The following PCM1 variants were observed in gnomAD, a reference collection of about 807,000 sequenced individuals.
PCM1 encodes pericentriolar material 1, also known as pericentriolar material 1 protein.
PCM1 carries 157 observed loss-of-function variants against 241.9 expected under a neutral mutation model. The ratio of observed to expected loss-of-function variants is 0.65; its 90% CI spans 0.57 to 0.74. PCM1 has a LOEUF of 0.74. Ranked by LOEUF, PCM1 falls within the 30% of genes least tolerant of loss-of-function variation. The probability of loss-of-function intolerance (pLI) is 0.00; values close to 1 mark genes in which losing one functional copy is unlikely to be tolerated. For missense variants in PCM1, 3,478 were observed against 2,360.1 expected (o/e 1.47, Z -9.81); for synonymous variants, 1,085 against 784.9 (o/e 1.38, Z -6.39).
chr8:17,949,834 G>A (rs1274883055), intron 7 of PCM1, among the ~76,000 whole-genome samples: 1 of 152,076 alleles, frequency 6.6e-6, no homozygotes, highest in African/African-American at 2.4e-5. Flanking sequence ...TTAGAAGTCA[G>A]GTTAAGGATG....
At chr8:18,016,433 G>A (rs769667325) in intron 36 of PCM1, among the ~76,000 whole-genome samples, 3 of 47,460 alleles carry the variant, frequency 6.3e-5, no homozygotes, top group Non-Finnish European at 2.6e-4. Flanking sequence ...CTTTACCAGA[G>A]AAGAGAAGAG....
intron 7 of PCM1, among the ~76,000 whole-genome samples, chr8:17,950,243 A>G (rs182564484): frequency 1.1e-3 from 166 of 152,338 alleles, no homozygotes; most frequent in African/African-American, 3.7e-3. Flanking sequence ...ATTCAAGAAC[A>G]TGGAGATTGA....
intron 34 of PCM1, among the ~76,000 whole-genome samples, chr8:18,012,390 G>T (rs1430863407): frequency 6.6e-6 from 1 of 152,068 alleles, no homozygotes; most frequent in Non-Finnish European, 1.5e-5. Flanking sequence ...AAGCACAAGA[G>T]AATTAATTAT....
chr8:17,946,179 C>CT (rs1201780266), intron 6 of PCM1, among the ~76,000 whole-genome samples: 3 of 152,076 alleles, frequency 2.0e-5, no homozygotes, highest in Non-Finnish European at 4.4e-5. Flanking sequence ...ATCCATCCCT[C>CT]TACTTTTAGA....
Position 18,029,459 on chromosome 8 carries a change from T to C in PCM1, c.*1797T>C, listed in dbSNP as rs940289243. The stretch of plus-strand genomic sequence containing the variant: ...AAGCAGGAAAGGGTAAAAACTGTTT[T>C]GGTACTCAAGCCCAGCCTTACATAC... On this transcript the variant is annotated 3_prime_UTR_variant, in exon 39 of 39. Transcript: ENST00000325083. 2 of 216,582 alleles carry C rather than the reference T, an allele frequency of 9.2e-6. No individual in the cohort carries two copies. The highest frequency in any genetic ancestry group is 4.5e-5 in the African/African-American group (2 of 44,440). 13.4% of individuals were successfully genotyped at this position (216,582 alleles called of 1,614,324 possible). A position where few individuals can be genotyped will look rare whatever the true frequency, so the allele number is the denominator to read the frequency against.
chr8:18,010,587 G>C (rs1328204090), intron 31 of PCM1, 22 bp from the exon 32 acceptor site: 1 of 1,558,352 alleles, frequency 6.4e-7, no homozygotes, highest in African/African-American at 1.4e-5. Flanking sequence ...GCTAAATTCT[G>C]TGTAATTGAT....
intron 26 of PCM1, among the ~76,000 whole-genome samples, chr8:17,988,381 C>G (rs554928973): frequency 2.6e-5 from 4 of 151,794 alleles, no homozygotes; most frequent in African/African-American, 9.6e-5. Flanking sequence ...GACACCCTAC[C>G]ACCATCACAC....
chr8:17,952,761 G>A (rs1464945707), intron 8 of PCM1, among the ~76,000 whole-genome samples: 1 of 152,026 alleles, frequency 6.6e-6, no homozygotes, highest in Admixed American at 6.5e-5. Context: ...AATCCCTCAT[G>A]GATACTGAGG....
At chr8:18,018,061 T>C (rs1328825417) in intron 36 of PCM1, among the ~76,000 whole-genome samples, 1 of 152,178 alleles carries the variant, frequency 6.6e-6, no homozygotes, top group Non-Finnish European at 1.5e-5. Flanking sequence ...GCCAGTCCCT[T>C]GGAGGAAAGA....
chr8:17,965,623 A>C (rs1279095049), intron 18 of PCM1, among the ~76,000 whole-genome samples: 1 of 152,236 alleles, frequency 6.6e-6, no homozygotes, highest in African/African-American at 2.4e-5. Context: ...ATAACTGAAA[A>C]TTTCTTCATG....
chr8:17,972,171 T>C (rs17126040), intron 22 of PCM1, among the ~76,000 whole-genome samples, 158 bp from the exon 23 acceptor site: 33,494 of 152,194 alleles, frequency 0.22, 4,434 homozygotes, highest in East Asian at 0.38. Context: ...GCTTATGTGA[T>C]ATTTGCATAT....
chr8:17,992,739 C>T (rs2085196921), intron 28 of PCM1, among the ~76,000 whole-genome samples: 1 of 151,724 alleles, frequency 6.6e-6, no homozygotes, highest in South Asian at 2.1e-4. Flanking sequence ...GCCTCAGCCT[C>T]CCGAGTAGCA....
chr8:17,940,071 G>A (rs766738773), intron 6 of PCM1: 168 of 1,579,814 alleles, frequency 1.1e-4, no homozygotes, highest in Non-Finnish European at 1.3e-4. Context: ...AGGATGTTCG[G>A]ACTATAGATT....
chr8:17,948,496 G>T (rs1472767663), intron 7 of PCM1, among the ~76,000 whole-genome samples: 1 of 151,440 alleles, frequency 6.6e-6, no homozygotes, highest in Non-Finnish European at 1.5e-5. Flanking sequence ...GTAGAGTCGG[G>T]GTTTCACCAT....
chr8:17,944,797 A>G (rs538992516), intron 6 of PCM1, among the ~76,000 whole-genome samples: 1 of 152,276 alleles, frequency 6.6e-6, no homozygotes, highest in African/African-American at 2.4e-5. Flanking sequence ...TGTTTATATG[A>G]ATGTGAAAGT....
intron 6 of PCM1, among the ~76,000 whole-genome samples, chr8:17,946,741 A>G (rs569409722): frequency 2.0e-5 from 3 of 152,020 alleles, no homozygotes; most frequent in African/African-American, 7.2e-5. Flanking sequence ...TGATCTGCCC[A>G]CCTCGGCCTC....
rs2071966924 is a variant in PCM1 at position 17,961,399 on chromosome 8, C to A, written c.2323-635C>A. 2.7e-5 allele frequency among the ~76,000 whole-genome samples: 4 copies of A among 150,462 alleles called. No individual in the cohort carries two copies. The South Asian group carries it at 8.3e-4, about 31-fold the overall frequency. On this transcript the variant is annotated intron_variant, in intron 15 of 38. Coordinates refer to ENST00000325083, the MANE Select transcript of PCM1 (RefSeq NM_006197.4). ...AATCTCGGCTCACTGCAAGCTCCAC[C>A]TCCTGGGTTCACGCCATTCTCCTGC...
chr8:18,000,348 C>G (rs1397514832), intron 29 of PCM1, among the ~76,000 whole-genome samples: 3 of 152,118 alleles, frequency 2.0e-5, no homozygotes, highest in Non-Finnish European at 4.4e-5. Flanking sequence ...AGGGAAACTC[C>G]TAGAAGATTT....
At chr8:18,026,450 C>A (rs571470570) in intron 38 of PCM1, among the ~76,000 whole-genome samples, 1 of 150,904 alleles carries the variant, frequency 6.6e-6, no homozygotes, top group South Asian at 2.1e-4. Context: ...TAAGTAGAGA[C>A]GGGGTTTCAC....
Sources: gnomAD v4.1 joint callset for allele counts (sites outside exome capture counted in the v4.1 genomes callset) on GRCh38, gnomAD v4.1.1 for gene constraint, MANE v1.5 for transcripts, NCBI Gene and HGNC (gene_info 2026-07-23, HGNC 2026-07-21) for gene names.